PEX14: variants seen among roughly 807,000 people sequenced by gnomAD.
PEX14 encodes peroxisomal membrane protein PEX14.
A neutral mutation model predicts 49.5 loss-of-function variants in PEX14; 15 were observed. That is an observed-to-expected ratio of 0.30 (90% CI 0.20 to 0.47). The LOEUF is 0.47. PEX14 is among the 20% of genes least tolerant of loss of function. The pLI is 1.00. For missense variants in PEX14, 398 were observed against 494.8 expected, an observed-to-expected ratio of 0.80 and a Z score of 1.86; for synonymous variants, 210 against 212.7, an observed-to-expected ratio of 0.99 and a Z score of 0.11.
At position 10,580,782 on chromosome 1, in the gene PEX14, C is replaced by CT. The variant is rs35561909; in HGVS notation, c.170-18446dup. Among the ~76,000 whole-genome samples, 867 of 146,840 alleles carry CT rather than the reference C, an allele frequency of 5.9e-3. 2 individuals are homozygous for CT. The highest frequency in any genetic ancestry group is 0.011 in the Non-Finnish European group (697 of 66,368). On this transcript the variant is annotated intron_variant, in intron 3 of 8. Transcript: ENST00000356607. ...GGACTACCGAACATTCCTAGCTGTTCTTTTTTTTTTCAGTGCATTATTTTT... is the reference window on the plus strand; with the variant it reads ...GGACTACCGAACATTCCTAGCTGTTCTTTTTTTTTTTCAGTGCATTATTTTT...
chr1:10,579,842 C>A (rs1362852279), intron 3 of PEX14, among the ~76,000 whole-genome samples: 1 of 151,954 alleles, frequency 6.6e-6, no homozygotes, highest in Non-Finnish European at 1.5e-5. Flanking sequence ...TCAGCAAGGT[C>A]TTTATGACCT....
chr1:10,539,113 C>T lies in PEX14; in HGVS notation c.169+2816C>T, dbSNP rs1192440140. 2.0e-5 allele frequency among the ~76,000 whole-genome samples: 3 copies of T among 152,032 alleles called. No individual in the cohort carries two copies. Among genetic ancestry groups the T allele is most frequent in the African/African-American group, 7.3e-5 (3 of 41,372 alleles). ...CAGCTGAGTTTGTTTCATTGTGAAA[C>T]CGCAGCTGGGAGCAGGGGCTGCATC... On this transcript the variant is annotated intron_variant, in intron 3 of 8. Transcript: ENST00000356607. The surrounding 1 kb of genome is among the most constrained non-coding windows in gnomAD (Gnocchi z 4.6).
At chr1:10,536,742 C>G (rs1638816941) in intron 3 of PEX14, among the ~76,000 whole-genome samples, 1 of 152,150 alleles carries the variant, frequency 6.6e-6, no homozygotes, top group South Asian at 2.1e-4. Context: ...TAAACTCAAG[C>G]TTGGGGTCAG....
At chr1:10,618,686 C>T (rs1641503524) in intron 5 of PEX14, among the ~76,000 whole-genome samples, 1 of 152,208 alleles carries the variant, frequency 6.6e-6, no homozygotes, top group Non-Finnish European at 1.5e-5. Context: ...TGAGGTCTGT[C>T]CCTTGCCAGC....
intron 2 of PEX14, among the ~76,000 whole-genome samples, chr1:10,501,689 AG>A (rs1641683783): frequency 1.3e-5 from 2 of 152,044 alleles, no homozygotes; most frequent in Non-Finnish European, 2.9e-5. Context: ...AAGAGGCGGG[AG>A]GATTGCTTGA....
chr1:10,528,324 A>C, intron 2 of PEX14: 2 of 981,952 alleles, frequency 2.0e-6, no homozygotes, highest in African/African-American at 3.5e-5. Flanking sequence ...AAGCTGAAGC[A>C]GGGTTTCATC....
chr1:10,481,452 T>C (rs1313754014), intron 1 of PEX14, among the ~76,000 whole-genome samples: 1 of 152,082 alleles, frequency 6.6e-6, no homozygotes, highest in African/African-American at 2.4e-5. Context: ...TTTGTTTGTT[T>C]GTTTTTTGAG....
chr1:10,610,735 C>T (rs377428540), intron 4 of PEX14, among the ~76,000 whole-genome samples: 10 of 152,168 alleles, frequency 6.6e-5, no homozygotes, highest in African/African-American at 2.4e-4. Context: ...TCAGGTGATC[C>T]GTCCGCCTTG....
chr1:10,482,317 C>T (rs964032950), intron 1 of PEX14, among the ~76,000 whole-genome samples: 21 of 148,282 alleles, frequency 1.4e-4, no homozygotes, highest in African/African-American at 5.2e-4. Context: ...TTAGTAGAGA[C>T]GGGGGATTCA....
At chr1:10,558,517 T>C (rs1200149656) in intron 3 of PEX14, among the ~76,000 whole-genome samples, 1 of 151,744 alleles carries the variant, frequency 6.6e-6, no homozygotes, top group Non-Finnish European at 1.5e-5. Flanking sequence ...GGTAGATCAT[T>C]TGAGGTTAGG....
intron 3 of PEX14, among the ~76,000 whole-genome samples, chr1:10,536,836 T>C (rs1054778301): frequency 6.6e-6 from 1 of 152,222 alleles, no homozygotes; most frequent in African/African-American, 2.4e-5. Flanking sequence ...ACAAATTCAA[T>C]ATTGTCTGAA....
At chr1:10,588,085 C>T (rs1485739493) in intron 3 of PEX14, among the ~76,000 whole-genome samples, 3 of 151,468 alleles carry the variant, frequency 2.0e-5, no homozygotes, top group African/African-American at 7.3e-5. Context: ...ATTAGCTGGG[C>T]GTGGTGGTGC....
Position 10,544,813 on chromosome 1 carries a change from G to A in PEX14, c.169+8516G>A, listed in dbSNP as rs1205871996. ...ATCTTACTCTGTCACCTAGGCTGGAGTGCAGTGGCGTGATTACGGTTCACT... is the reference window on the plus strand; with the variant it reads ...ATCTTACTCTGTCACCTAGGCTGGAATGCAGTGGCGTGATTACGGTTCACT... On this transcript the variant is annotated intron_variant, in intron 3 of 8. Coordinates refer to ENST00000356607, the MANE Select transcript of PEX14 (RefSeq NM_004565.3). Among the ~76,000 whole-genome samples the A allele has an allele frequency of 2.6e-5, 4 of 151,620 alleles. No individual in the cohort carries two copies. In the East Asian group the frequency reaches 7.7e-4, roughly 29 times the overall value.
chr1:10,623,754 A>G lies in PEX14; in HGVS notation c.488-586A>G, dbSNP rs59814347. Among the ~76,000 whole-genome samples, 1,963 of 152,338 alleles carry G rather than the reference A, an allele frequency of 0.013. 54 individuals carry two copies. Among genetic ancestry groups the G allele is most frequent in the African/African-American group, 0.045 (1,869 of 41,584 alleles). On this transcript the variant is annotated intron_variant, in intron 6 of 8. Coordinates refer to ENST00000356607, the MANE Select transcript of PEX14 (RefSeq NM_004565.3). The surrounding 1 kb of genome is among the most constrained non-coding windows in gnomAD (Gnocchi z 4.4). ...CCTCTGGAGCACGTTTGTGAAGCTC[A>G]CAGAAACCCTCTGACACGTCCATCC...
intron 2 of PEX14, among the ~76,000 whole-genome samples, chr1:10,523,628 T>TA (rs34613906): frequency 0.019 from 2,789 of 145,746 alleles, 75 homozygotes; most frequent in African/African-American, 0.065. Flanking sequence ...TTGTGTAAGG[T>TA]AAAAAAAAAA....
rs1286417437 is a variant in PEX14, at chr1:10,514,194, GTGTGTA to G, written c.84+18876_84+18881del. ...TGTGTGTGTGTGTGTGTGTGTGTGT[GTGTGTA>G]TGGTGTTAGAAACGGCAGAGTCACC... is the stretch of plus-strand genomic sequence containing the variant. On this transcript the variant is annotated intron_variant, in intron 2 of 8. Transcript: ENST00000356607. This position sits in a 1 kb window ranked among gnomAD's most constrained non-coding sequence, Gnocchi z 4.4. Among the ~76,000 whole-genome samples, 3 of 149,916 alleles carry G rather than the reference GTGTGTA, an allele frequency of 2.0e-5. No individual in the cohort carries two copies. The highest frequency in any genetic ancestry group is 4.4e-5 in the Non-Finnish European group (3 of 67,800).
intron 2 of PEX14, among the ~76,000 whole-genome samples, chr1:10,511,006 G>C (rs1257874032): frequency 1.3e-5 from 2 of 152,116 alleles, no homozygotes; most frequent in East Asian, 3.9e-4. Context: ...TAAAGACAAT[G>C]CTCACTCCCA....
In PEX14 at chr1:10,512,864, A is replaced by AT. The variant is rs1641908786; in HGVS notation, c.84+17549dup. Among the ~76,000 whole-genome samples the AT allele has an allele frequency of 1.3e-5, 2 of 151,906 alleles. No homozygotes were observed. Among genetic ancestry groups the AT allele is most frequent in the African/African-American group, 4.8e-5 (2 of 41,354 alleles). Reference sequence around the variant, plus strand: ...AGGCGTGTGCCACCACGCCCGGCTAATTTTTTGTATTTTTAGTAGAGATGA... The same window carrying AT: ...AGGCGTGTGCCACCACGCCCGGCTAATTTTTTTGTATTTTTAGTAGAGATGA... On this transcript the variant is annotated intron_variant, in intron 2 of 8. Coordinates refer to ENST00000356607, the MANE Select transcript of PEX14 (RefSeq NM_004565.3). The surrounding 1 kb of genome is among the most constrained non-coding windows in gnomAD (Gnocchi z 4.6).
chr1:10,517,094 G>T (rs914599048), intron 2 of PEX14: 1 of 152,298 alleles, frequency 6.6e-6, no homozygotes, highest in African/African-American at 2.4e-5. Flanking sequence ...TCTTCAGCCT[G>T]CACTCTGCAT....
Sources: gnomAD v4.1 joint callset for allele counts (sites outside exome capture counted in the v4.1 genomes callset) on GRCh38, gnomAD v4.1.1 for gene constraint, Gnocchi (gnomAD v3.1) non-coding constraint, MANE v1.5 for transcripts, NCBI Gene and HGNC (gene_info 2026-07-23, HGNC 2026-07-21) for gene names.